Variants in ICE1 observed in about 807,000 individuals in gnomAD.
ICE1 encodes little elongation complex subunit 1.
In ICE1, 64 loss-of-function variants were observed where a neutral mutation model predicts 192.7. The ratio of observed to expected loss-of-function variants is 0.33; its 90% CI spans 0.27 to 0.41. The LOEUF is 0.41. Ranked by LOEUF, ICE1 falls within the 10% of genes least tolerant of loss-of-function variation. The pLI is 1.00. For synonymous variants in ICE1, 1,010 were observed against 984.5 expected (o/e 1.03, Z -0.49); for missense variants, 2,708 against 2,696.0 (o/e 1.00, Z -0.10).
chr5:5,457,662 C>T lies in ICE1; in HGVS notation c.1022C>T (p.Pro341Leu). 2 of 1,613,904 alleles carry T rather than the reference C, an allele frequency of 1.2e-6. No homozygotes were observed. The highest frequency in any genetic ancestry group is 1.6e-4 in the Middle Eastern group (1 of 6,062). The change falls in exon 12 of 19, where the codon CCT (proline) becomes CTT (leucine). Residue 341 changes from proline to leucine, a missense_variant. Transcript: ENST00000296564. ...GCAATTGACTTCTTCAAACTTCCCCCTCCTCTTCTGTCACCAGTGCCCTCG... is the reference window on the plus strand; with the variant it reads ...GCAATTGACTTCTTCAAACTTCCCCTTCCTCTTCTGTCACCAGTGCCCTCG... ...QAAIDFFKLP[P>L]PLLSPVPSPP...
chr5:5,431,108 A>G (rs972530507), intron 1 of ICE1, among the ~76,000 whole-genome samples: 1 of 152,020 alleles, frequency 6.6e-6, no homozygotes, highest in Non-Finnish European at 1.5e-5. Context: ...TGTGAATCTG[A>G]CTCTGTGACT....
chr5:5,489,991 A>AT lies in ICE1; in HGVS notation c.*662dup, dbSNP rs1214524098. On this transcript the variant is annotated 3_prime_UTR_variant, in exon 19 of 19. Coordinates refer to ENST00000296564, the MANE Select transcript of ICE1 (RefSeq NM_015325.3). Reference sequence around the variant, plus strand: ...CCTTGCAGATTTTTTTATCAGTGACATGTAATGAGCAATTCACAGATGAGC... The same window carrying AT: ...CCTTGCAGATTTTTTTATCAGTGACATTGTAATGAGCAATTCACAGATGAGC... The AT allele has an allele frequency of 6.6e-6, 1 of 152,286 alleles. No homozygotes were observed. Among genetic ancestry groups the AT allele is most frequent in the Non-Finnish European group, 1.5e-5 (1 of 68,096 alleles). 9.4% of individuals were successfully genotyped at this position (152,286 alleles called of 1,614,324 possible).
rs1295103825 is a variant in ICE1, at chr5:5,447,835, T to G, written c.548-6T>G. On this transcript the variant is annotated splice_region_variant and splice_polypyrimidine_tract_variant and intron_variant, in intron 9 of 18. Transcript: ENST00000296564. Reference sequence around the variant, plus strand: ...TTTATTAACCGTTTTTTCCCCATGCTTTTAGAGTTGAGACATATTGGAACA... The same window carrying G: ...TTTATTAACCGTTTTTTCCCCATGCGTTTAGAGTTGAGACATATTGGAACA... 2 of 1,577,336 alleles carry G rather than the reference T, an allele frequency of 1.3e-6. No homozygotes were observed. Among genetic ancestry groups the G allele is most frequent in the Non-Finnish European group, 8.6e-7 (1 of 1,159,098 alleles).
Position 5,463,171 on chromosome 5 carries a change from T to G in ICE1, c.3837T>G (p.Gly1279=), listed in dbSNP as rs1223078207. 6.2e-7 allele frequency: 1 copy of G among 1,612,074 alleles called. No homozygotes were observed. The highest frequency in any genetic ancestry group is 1.1e-5 in the South Asian group (1 of 90,538). Residue 1279 remains glycine, a synonymous_variant, in exon 13 of 19, where the codon GGT becomes GGG. Coordinates refer to ENST00000296564, the MANE Select transcript of ICE1 (RefSeq NM_015325.3). ...ELQTNSEDCN[G]KDTGSLLLLN... is the part of the protein sequence containing the mutation. ...AAACAAATTCTGAAGATTGCAATGGTAAAGATACTGGCAGTTTATTGCTCT... is the reference window on the plus strand; with the variant it reads ...AAACAAATTCTGAAGATTGCAATGGGAAAGATACTGGCAGTTTATTGCTCT...
intron 1 of ICE1, among the ~76,000 whole-genome samples, chr5:5,428,572 TTCA>T (rs1345774717): frequency 2.0e-5 from 3 of 152,232 alleles, no homozygotes; most frequent in African/African-American, 7.2e-5. Context: ...TTGCATTTGC[TTCA>T]TCATTGTCTG....
chr5:5,453,851 T>C (rs1332306601), intron 10 of ICE1, among the ~76,000 whole-genome samples: 1 of 152,216 alleles, frequency 6.6e-6, no homozygotes, highest in Non-Finnish European at 1.5e-5. Context: ...CAATTTGAAT[T>C]ACTGGTTCTT....
chr5:5,478,163 G>A (rs916070832), intron 17 of ICE1, among the ~76,000 whole-genome samples: 1 of 152,116 alleles, frequency 6.6e-6, no homozygotes, highest in Admixed American at 6.6e-5. Context: ...AGGAAGAGAG[G>A]AAGTCAAACT....
chr5:5,459,898 G>C (rs140943339), intron 12 of ICE1, among the ~76,000 whole-genome samples: 16 of 152,282 alleles, frequency 1.1e-4, no homozygotes, highest in Non-Finnish European at 1.9e-4. Flanking sequence ...GGTAGCACAG[G>C]TGGGTTGATG....
Position 5,462,303 on chromosome 5 carries a change from C to A in ICE1, c.2969C>A (p.Thr990Lys). Reference sequence around the variant, plus strand: ...CAGAAGCAAAGGCAGCCTCAGGCCACAGATCTGGACTCCAGTGGGACACAT... The same window carrying A: ...CAGAAGCAAAGGCAGCCTCAGGCCAAAGATCTGGACTCCAGTGGGACACAT... Reference protein sequence around the residue: ...DGQKQRQPQATDLDSSGTHGS... With the variant: ...DGQKQRQPQAKDLDSSGTHGS... Residue 990 changes from threonine (T) to lysine (K), a missense_variant, in exon 13 of 19, where the codon ACA becomes AAA. By Grantham distance (78) the Thr-to-Lys change is moderately conservative (BLOSUM62 -1). Coordinates refer to ENST00000296564, the MANE Select transcript of ICE1 (RefSeq NM_015325.3). The A allele has an allele frequency of 1.9e-6, 3 of 1,613,954 alleles. No homozygotes were observed. The highest frequency in any genetic ancestry group is 2.5e-6 in the Non-Finnish European group (3 of 1,179,874).
intron 1 of ICE1, among the ~76,000 whole-genome samples, chr5:5,425,848 GGT>G (rs1737503019): frequency 6.6e-6 from 1 of 152,164 alleles, no homozygotes; most frequent in Non-Finnish European, 1.5e-5. Flanking sequence ...AGTAATTGAA[GGT>G]TCCTGGGAAG....
At chr5:5,469,581 G>A (rs967300228) in intron 15 of ICE1, among the ~76,000 whole-genome samples, 4 of 152,084 alleles carry the variant, frequency 2.6e-5, no homozygotes, top group Admixed American at 6.5e-5. Context: ...TGAAGCCAGT[G>A]ATATTGATTT....
intron 17 of ICE1, among the ~76,000 whole-genome samples, chr5:5,478,476 T>A (rs926141614): frequency 2.6e-5 from 4 of 152,152 alleles, no homozygotes; most frequent in South Asian, 2.1e-4. Flanking sequence ...GGAAAAACAT[T>A]TCATGCTCAT....
intron 15 of ICE1, 123 bp downstream of exon 15, chr5:5,469,111 A>T: frequency 1.5e-6 from 1 of 657,880 alleles, no homozygotes; most frequent in Non-Finnish European, 2.3e-6. Context: ...AGATCTTTTA[A>T]AATTTAATCA....
Position 5,427,620 on chromosome 5 carries a change from A to G in ICE1, c.84+4621A>G, listed in dbSNP as rs1737564542. Among the ~76,000 whole-genome samples the G allele has an allele frequency of 2.0e-5, 3 of 152,236 alleles. No homozygotes were observed. The South Asian group carries it at 6.2e-4, about 32-fold the overall frequency. On this transcript the variant is annotated intron_variant, in intron 1 of 18. Transcript: ENST00000296564. ...ATAAACTTGTGCTGGACTCCCATTG[A>G]TAATCGCTAGTGATTTAAGTGTCAT...
intron 4 of ICE1, 105 bp downstream of exon 4, chr5:5,440,018 C>A: frequency 3.1e-6 from 2 of 639,512 alleles, no homozygotes; most frequent in Non-Finnish European, 5.3e-6. Flanking sequence ...GCAAAATGTA[C>A]ATAGGATTAC....
intron 17 of ICE1, among the ~76,000 whole-genome samples, chr5:5,484,992 A>G (rs985751049): frequency 1.3e-5 from 2 of 152,156 alleles, no homozygotes; most frequent in South Asian, 2.1e-4. Context: ...GTTCTCATCC[A>G]TAGGAGAGCT....
chr5:5,458,922 G>A (rs1375944104), intron 12 of ICE1, among the ~76,000 whole-genome samples: 2 of 151,986 alleles, frequency 1.3e-5, no homozygotes, highest in African/African-American at 4.8e-5. Flanking sequence ...GCCCAGACTG[G>A]AGCACAGTGG....
rs1274252488 is a variant in ICE1, at chr5:5,422,987, C to G, written c.72C>G (p.Ala24=). 8.3e-6 allele frequency: 12 copies of G among 1,447,046 alleles called. No individual in the cohort carries two copies. The East Asian group carries it at 3.6e-4, about 44-fold the overall frequency. 89.6% of individuals were successfully genotyped at this position (1,447,046 alleles called of 1,614,324 possible). A position where few individuals can be genotyped will look rare whatever the true frequency, so the allele number is the denominator to read the frequency against. Residue 24 remains alanine (A), a synonymous_variant, in exon 1 of 19, where the codon GCC becomes GCG. Coordinates refer to ENST00000296564, the MANE Select transcript of ICE1 (RefSeq NM_015325.3). ...AADLSRCQGC[A]SLQQNLNEYV... ...ACCTGTCGCGATGTCAGGGCTGCGC[C>G]TCTCTGCAGCAGGTGCAGCACCTCC...
At position 5,462,063 on chromosome 5, in the gene ICE1, A is replaced by G; in HGVS notation, c.2729A>G (p.Asp910Gly). ...GCAAAATGTGATGGGGAAAGAGATG[A>G]TACAACACAAAACATCACGGAGGTG... Reference protein sequence around the residue: ...TVAKCDGERDDTTQNITEVAA... With the variant: ...TVAKCDGERDGTTQNITEVAA... Residue 910 changes from aspartate (D) to glycine (G), a missense_variant, in exon 13 of 19, where the codon GAT becomes GGT. This residue lies in a region of ICE1 where 2,366 missense variants were observed against 2,276.6 expected (regional missense o/e 1.04). Transcript: ENST00000296564. 6.2e-7 allele frequency: 1 copy of G among 1,613,986 alleles called. No homozygotes were observed. The highest frequency in any genetic ancestry group is 8.5e-7 in the Non-Finnish European group (1 of 1,179,902).
Sources: gnomAD v4.1 joint callset for allele counts (sites outside exome capture counted in the v4.1 genomes callset) on GRCh38, gnomAD v4.1.1 for gene constraint, gnomAD v4.1.1 regional missense constraint, MANE v1.5 for transcripts, NCBI Gene and HGNC (gene_info 2026-07-23, HGNC 2026-07-21) for gene names.